Variants in RYR3 observed in about 807,000 individuals in gnomAD.
RYR3 encodes ryanodine receptor 3, also known as brain ryanodine receptor-calcium release channel.
RYR3 carries 207 observed loss-of-function variants against 584.3 expected under a neutral mutation model. The observed-to-expected ratio is 0.35, with a 90% CI of 0.32 to 0.40. RYR3 has a LOEUF of 0.40. Among genes scored for constraint, RYR3 ranks in the 10% least tolerant of loss-of-function variants. The probability of loss-of-function intolerance (pLI) is 1.00; values close to 1 mark genes in which losing one functional copy is unlikely to be tolerated. For synonymous variants in RYR3, 2,416 were observed against 2,248.5 expected (o/e 1.07, Z -2.11); for missense variants, 5,616 against 6,089.2 (o/e 0.92, Z 2.59).
At chr15:33,715,467 T>C (rs1019835602) in intron 43 of RYR3, among the ~76,000 whole-genome samples, 9 of 152,186 alleles carry the variant, frequency 5.9e-5, no homozygotes, top group African/African-American at 2.2e-4. Flanking sequence ...GCTAGAGTGA[T>C]AAGAAGGTAG....
intron 14 of RYR3, 90 bp from the exon 15 acceptor site, chr15:33,584,304 TA>T: frequency 1.5e-6 from 1 of 653,344 alleles, no homozygotes; most frequent in Non-Finnish European, 2.7e-6. Context: ...TTTTAGTTGC[TA>T]AGCAAGTGAA....
intron 20 of RYR3, among the ~76,000 whole-genome samples, chr15:33,626,167 A>G (rs1174592375): frequency 1.3e-5 from 2 of 152,226 alleles, no homozygotes; most frequent in Non-Finnish European, 1.5e-5. Context: ...GCTGGCCTCA[A>G]CAAGGGTTCC....
intron 11 of RYR3, among the ~76,000 whole-genome samples, chr15:33,563,716 G>A (rs1414652658): frequency 2.6e-5 from 4 of 152,194 alleles, no homozygotes; most frequent in Non-Finnish European, 5.9e-5. Flanking sequence ...GTGCTCTGTA[G>A]TTGAGGTATA....
At chr15:33,639,753 C>T (rs2061693747) in intron 27 of RYR3, among the ~76,000 whole-genome samples, 1 of 152,126 alleles carries the variant, frequency 6.6e-6, no homozygotes, top group Non-Finnish European at 1.5e-5. Flanking sequence ...TTGTCATTTC[C>T]ATCCTCTTAT....
chr15:33,705,097 CTCTT>C (rs2066596072), intron 42 of RYR3, among the ~76,000 whole-genome samples: 1 of 91,672 alleles, frequency 1.1e-5, no homozygotes. Context: ...TGCACACACA[CTCTT>C]TCTCTCTCTC....
At chr15:33,633,517 C>T (rs2061360732) in intron 24 of RYR3, among the ~76,000 whole-genome samples, 1 of 152,214 alleles carries the variant, frequency 6.6e-6, no homozygotes, top group South Asian at 2.1e-4. Context: ...CCCAAACCAC[C>T]TGGCACACCT....
intron 16 of RYR3, among the ~76,000 whole-genome samples, chr15:33,600,215 G>A (rs796080740): frequency 3.0e-4 from 46 of 152,244 alleles, no homozygotes; most frequent in African/African-American, 1.1e-3. Context: ...GTCATTCAGG[G>A]AGTCAAGTAG....
At chr15:33,806,891 C>T (rs36055852) in intron 69 of RYR3, among the ~76,000 whole-genome samples, 24,100 of 149,850 alleles carry the variant, frequency 0.16, 2,078 homozygotes, top group Middle Eastern at 0.26. Flanking sequence ...GTAGCTGGGA[C>T]TATAACACAC....
intron 1 of RYR3, among the ~76,000 whole-genome samples, chr15:33,386,497 A>G (rs2041613333): frequency 6.6e-6 from 1 of 152,252 alleles, no homozygotes; most frequent in South Asian, 2.1e-4. Context: ...ATTGCTGAGA[A>G]GACAATGGAT....
intron 3 of RYR3, among the ~76,000 whole-genome samples, chr15:33,524,119 TAC>T (rs959792909): frequency 1.8e-4 from 27 of 152,240 alleles, no homozygotes; most frequent in African/African-American, 6.5e-4. Flanking sequence ...ACTACCCCCC[TAC>T]ACACACATAC....
chr15:33,592,393 G>A (rs1250235631), intron 16 of RYR3, among the ~76,000 whole-genome samples: 1 of 152,172 alleles, frequency 6.6e-6, no homozygotes, highest in African/African-American at 2.4e-5. Flanking sequence ...TAGCACTATT[G>A]CTGATGAACT....
intron 19 of RYR3, among the ~76,000 whole-genome samples, chr15:33,621,603 G>A (rs17817434): frequency 6.6e-6 from 1 of 152,002 alleles, no homozygotes; most frequent in Non-Finnish European, 1.5e-5. Flanking sequence ...TAATGTAGGC[G>A]CATTCACAAG....
intron 36 of RYR3, among the ~76,000 whole-genome samples, chr15:33,663,971 CCTT>C (rs2063318163): frequency 1.3e-5 from 2 of 152,172 alleles, no homozygotes. Flanking sequence ...GGGCTTCCTC[CCTT>C]CTTTAACCCT....
At chr15:33,527,147 C>T (rs577134464) in intron 3 of RYR3, among the ~76,000 whole-genome samples, 5 of 152,178 alleles carry the variant, frequency 3.3e-5, no homozygotes, top group Non-Finnish European at 7.4e-5. Context: ...CAGTGATATG[C>T]AAACTACAGC....
rs2074675454 is a variant in RYR3 at position 33,785,865 on chromosome 15, G to A, written c.9472G>A (p.Gly3158Arg). 1.2e-6 allele frequency: 2 copies of A among 1,613,760 alleles called. No individual in the cohort carries two copies. Among genetic ancestry groups the A allele is most frequent in the Non-Finnish European group, 1.7e-6 (2 of 1,179,872 alleles). The part of the protein sequence containing the change: ...RGPENLPPST[G>R]PCCTKVTSEH... ...TCCTGAGAACCTGCCCCCCAGCACA[G>A]GGCCATGCTGCACCAAGGTCACCTC... The change falls in exon 66 of 104, where the codon GGG becomes AGG. Residue 3158 changes from glycine (G) to arginine (R), a missense_variant. Physicochemically the swap from Gly to Arg is moderately radical, Grantham distance 125 (BLOSUM62 -2). Transcript: ENST00000634891.
chr15:33,548,027 T>G (rs2056379368), intron 8 of RYR3, 103 bp from the exon 9 acceptor site: 3 of 766,928 alleles, frequency 3.9e-6, no homozygotes, highest in Non-Finnish European at 6.7e-6. Context: ...CAAAAGGGCT[T>G]AGACAAGCTC....
intron 41 of RYR3, 147 bp from the exon 42 acceptor site, chr15:33,700,830 G>C (rs926505943): frequency 1.9e-6 from 1 of 534,580 alleles, no homozygotes; most frequent in South Asian, 2.9e-5. Flanking sequence ...TAATGCAAGC[G>C]GACTGTCCCA....
intron 103 of RYR3, chr15:33,864,779 G>A: frequency 9.2e-6 from 2 of 217,766 alleles, no homozygotes; most frequent in Non-Finnish European, 1.8e-5. Context: ...TCTGGATTCA[G>A]CATGCAATAA....
intron 1 of RYR3, among the ~76,000 whole-genome samples, chr15:33,432,668 T>TTGTGTGTGTG (rs58292418): frequency 0.015 from 1,975 of 132,156 alleles, 30 homozygotes; most frequent in African/African-American, 0.037. Context: ...GCCTAGCTAA[T>TTGTGTGTGTG]TGTGTGTGTG....
Sources: allele counts gnomAD v4.1 joint callset (sites outside exome capture counted in the v4.1 genomes callset), GRCh38; gene constraint gnomAD v4.1.1; transcripts MANE v1.5; gene names NCBI Gene and HGNC (gene_info 2026-07-23, HGNC 2026-07-21).